The following CARD19 variants were observed in gnomAD, a reference collection of about 807,000 sequenced individuals.
The protein encoded by CARD19 is caspase recruitment domain-containing protein 19.
Under a neutral mutation model 24.1 loss-of-function variants are expected in CARD19, and 25 were observed. The ratio of observed to expected loss-of-function variants is 1.04; its 90% CI spans 0.76 to 1.45. CARD19 has a LOEUF of 1.45. Ranked by LOEUF, CARD19 falls within the 40% of genes most tolerant of loss-of-function variation. CARD19 has a pLI of 0.00. For synonymous variants in CARD19, 103 were observed against 104.9 expected, an observed-to-expected ratio of 0.98 and a Z score of 0.11; for missense variants, 241 against 247.4, an observed-to-expected ratio of 0.97 and a Z score of 0.17.
At chr9:93,098,849 G>A (rs1274602158) in intron 1 of CARD19, among the ~76,000 whole-genome samples, 1 of 151,738 alleles carries the variant, frequency 6.6e-6, no homozygotes, top group African/African-American at 2.4e-5. Flanking sequence ...TGCTGGCCAC[G>A]GTCCACCTAC....
Position 93,113,229 on chromosome 9 carries a change from A to G in CARD19, c.*122A>G, listed in dbSNP as rs1054451841. 6.3e-6 allele frequency: 4 copies of G among 630,428 alleles called. No homozygotes were observed. The African/African-American group carries it at 7.4e-5, about 12-fold the overall frequency. 39.1% of individuals were successfully genotyped at this position (630,428 alleles called of 1,614,324 possible). On this transcript the variant is annotated 3_prime_UTR_variant, in exon 6 of 6. Coordinates refer to ENST00000375464, the MANE Select transcript of CARD19 (RefSeq NM_032310.5). ...TTTCATTATTTATAATTTGTGTAAA[A>G]AACACACCTTCACCTTACAAGGTGC...
chr9:93,111,620 C>T (rs1827489136), intron 3 of CARD19: 1 of 1,338,974 alleles, frequency 7.5e-7, no homozygotes, highest in Non-Finnish European at 9.6e-7. Flanking sequence ...CAAAACCAGG[C>T]AGGGCCAAGC....
chr9:93,112,887 C>G, intron 5 of CARD19, 105 bp from the exon 6 acceptor site: 1 of 703,844 alleles, frequency 1.4e-6, no homozygotes, highest in Non-Finnish European at 2.4e-6. Flanking sequence ...GAGGGAGCAC[C>G]CTGTCCCAGT....
Position 93,107,443 on chromosome 9 carries a change from C to T in CARD19, c.8-231C>T, listed in dbSNP as rs114365489. On this transcript the variant is annotated intron_variant, in intron 1 of 5. Coordinates refer to ENST00000375464, the MANE Select transcript of CARD19 (RefSeq NM_032310.5). The stretch of plus-strand genomic sequence containing the variant: ...AAGCTCTGTGAAAGTGGGTTTCCAC[C>T]GCAACCCCTCACTTCCATCTTCTGG... Among the ~76,000 whole-genome samples the T allele has an allele frequency of 3.4e-3, 522 of 152,364 alleles. 3 individuals are homozygous for T. Among genetic ancestry groups the T allele is most frequent in the African/African-American group, 0.012 (489 of 41,582 alleles).
chr9:93,112,116 C>A, intron 4 of CARD19, 102 bp from the exon 5 acceptor site: 2 of 1,357,576 alleles, frequency 1.5e-6, no homozygotes, highest in Non-Finnish European at 2.0e-6. Flanking sequence ...CTTCAGGCAG[C>A]ACCTCAGCCT....
At chr9:93,100,268 A>G (rs934241330) in intron 1 of CARD19, among the ~76,000 whole-genome samples, 65 of 152,162 alleles carry the variant, frequency 4.3e-4, no homozygotes, top group African/African-American at 1.5e-3. Context: ...TGAACCCAAG[A>G]GGGGGCCCCA....
In CARD19 at chr9:93,112,277, T is replaced by C. The variant is rs147126180; in HGVS notation, c.424T>C (p.Cys142Arg). ...TGTGGGACTGGCCCTGCTCCTGTAC[T>C]GCTATCCGCCAGGTGGGTGCAAGCG... is the stretch of plus-strand genomic sequence containing the variant. The part of the protein sequence containing the change: ...LAVGLALLLY[C>R]YPPDPKGLPG... The change falls in exon 5 of 6, where the codon TGC becomes CGC. Residue 142 changes from cysteine to arginine, a missense_variant. Physicochemically the swap from Cys to Arg is radical, Grantham distance 180. Coordinates refer to ENST00000375464, the MANE Select transcript of CARD19 (RefSeq NM_032310.5). The C allele has an allele frequency of 1.4e-3, 2,093 of 1,544,302 alleles. 5 individuals are homozygous for C. Among genetic ancestry groups the C allele is most frequent in the Admixed American group, 1.4e-3 (69 of 51,018 alleles).
chr9:93,108,160 C>T (rs1454363523), intron 2 of CARD19, among the ~76,000 whole-genome samples: 13 of 151,602 alleles, frequency 8.6e-5, no homozygotes, highest in African/African-American at 2.2e-4. Context: ...CGGAGGGAGG[C>T]GAGAAAGAGG....
At chr9:93,111,755 G>A in intron 3 of CARD19, 124 bp from the exon 4 acceptor site, 2 of 1,500,444 alleles carry the variant, frequency 1.3e-6, no homozygotes, top group Non-Finnish European at 1.8e-6. Context: ...AGCCTCAGGT[G>A]CCACAGCCTG....
chr9:93,111,498 G>A (rs1232162672), intron 3 of CARD19: 6 of 1,103,576 alleles, frequency 5.4e-6, no homozygotes, highest in African/African-American at 1.6e-5. Flanking sequence ...GCCTCCCCAC[G>A]CCTCACAGAA....
intron 3 of CARD19, chr9:93,111,539 G>A (rs563322491): frequency 1.8e-5 from 21 of 1,195,280 alleles, no homozygotes; most frequent in East Asian, 8.6e-5. Context: ...GGGAGAGCTC[G>A]AGGGGAGGCC....
In CARD19 at chr9:93,107,483, A is replaced by T. The variant is rs1827305559; in HGVS notation, c.8-191A>T. Among the ~76,000 whole-genome samples, 3 of 152,256 alleles carry T rather than the reference A, an allele frequency of 2.0e-5. No individual in the cohort carries two copies. In the South Asian group the frequency reaches 6.2e-4, roughly 31 times the overall value. ...CCATCTTCTGGAGAGGCAGGTTGGC[A>T]GGCCAGGGGCAGCTCTCAGCTGGGC... On this transcript the variant is annotated intron_variant, in intron 1 of 5. Coordinates refer to ENST00000375464, the MANE Select transcript of CARD19 (RefSeq NM_032310.5).
intron 1 of CARD19, among the ~76,000 whole-genome samples, chr9:93,106,577 C>CAAAAAAAAAAAAAAAAAAA (rs58551380): frequency 1.5e-5 from 2 of 135,128 alleles, no homozygotes; most frequent in Non-Finnish European, 1.6e-5. Flanking sequence ...CAAAAAAAAA[C>CAAAAAAAAAAAAAAAAAAA]AAAAAAAAAA....
chr9:93,097,184 A>G (rs1826905888), intron 1 of CARD19, among the ~76,000 whole-genome samples: 1 of 151,422 alleles, frequency 6.6e-6, no homozygotes, highest in Admixed American at 6.6e-5. Flanking sequence ...CTTCATTCTT[A>G]CTGTTCTGTT....
At chr9:93,110,942 C>T (rs1370986935) in intron 3 of CARD19, 90 of 1,529,914 alleles carry the variant, frequency 5.9e-5, no homozygotes, top group Non-Finnish European at 7.7e-5. Context: ...CTGTCTCCCA[C>T]TTTCTCCCCC....
At chr9:93,101,958 ATT>A (rs34848135) in intron 1 of CARD19, among the ~76,000 whole-genome samples, 8 of 138,794 alleles carry the variant, frequency 5.8e-5, no homozygotes, top group Non-Finnish European at 9.2e-5. Flanking sequence ...AATGATGAGC[ATT>A]TTTTTTTTTT....
intron 3 of CARD19, chr9:93,111,435 G>GA: frequency 9.3e-7 from 1 of 1,073,946 alleles, no homozygotes; most frequent in Non-Finnish European, 1.1e-6. Flanking sequence ...GAGACCAGAG[G>GA]GACTGGGCGG....
chr9:93,102,108 C>T (rs928304055), intron 1 of CARD19, among the ~76,000 whole-genome samples: 23 of 152,116 alleles, frequency 1.5e-4, no homozygotes, highest in Admixed American at 8.5e-4. Context: ...ATTACAGGCA[C>T]GCACCACCAT....
chr9:93,104,493 AT>A (rs1439535556), intron 1 of CARD19, among the ~76,000 whole-genome samples: 1 of 152,152 alleles, frequency 6.6e-6, no homozygotes, highest in Non-Finnish European at 1.5e-5. Context: ...AAGGATTGGT[AT>A]TAGTTCTTCT....
Sources: allele counts gnomAD v4.1 joint callset (sites outside exome capture counted in the v4.1 genomes callset), GRCh38; gene constraint gnomAD v4.1.1; transcripts MANE v1.5; gene names NCBI Gene and HGNC (gene_info 2026-07-23, HGNC 2026-07-21).